Variants in ZNRF3 observed in about 807,000 individuals in gnomAD.
ZNRF3 encodes the protein E3 ubiquitin-protein ligase ZNRF3.
In ZNRF3, 23 loss-of-function variants were observed where a neutral mutation model predicts 72.5. The ratio of observed to expected loss-of-function variants is 0.32; its 90% CI spans 0.23 to 0.45. The LOEUF is 0.45. Ranked by LOEUF, ZNRF3 falls within the 20% of genes least tolerant of loss-of-function variation. The pLI is 1.00. For missense variants in ZNRF3, 1,169 were observed against 1,272.1 expected (o/e 0.92, Z 1.23); for synonymous variants, 610 against 545.3 (o/e 1.12, Z -1.65).
chr22:29,019,723 C>T (rs1279894658), intron 2 of ZNRF3, among the ~76,000 whole-genome samples: 1 of 152,138 alleles, frequency 6.6e-6, no homozygotes, highest in Admixed American at 6.5e-5. Flanking sequence ...GCACTTTACA[C>T]CCATGAACTA....
In ZNRF3 at chr22:29,056,710, T is replaced by C. The variant is rs149141007; in HGVS notation, c.*3088T>C. ...CAGCCCTGGCTGTAGGACAGCCATA[T>C]ACAGTGAAGAGTTCTAGAACCAGCT... On this transcript the variant is annotated 3_prime_UTR_variant, in exon 9 of 9. Transcript: ENST00000544604. 5.2e-4 allele frequency: 79 copies of C among 152,328 alleles called. No homozygotes were observed. Among genetic ancestry groups the C allele is most frequent in the African/African-American group, 1.9e-3 (78 of 41,570 alleles). 9.4% of individuals were successfully genotyped at this position (152,328 alleles called of 1,614,324 possible). A position where few individuals can be genotyped will look rare whatever the true frequency, so the allele number is the denominator to read the frequency against.
intron 1 of ZNRF3, among the ~76,000 whole-genome samples, chr22:28,980,670 A>G (rs1359028806): frequency 6.6e-6 from 1 of 152,246 alleles, no homozygotes; most frequent in Non-Finnish European, 1.5e-5. Context: ...GTTATAACCC[A>G]GGACATATTT....
At chr22:28,890,829 C>T (rs1416590760) in intron 1 of ZNRF3, among the ~76,000 whole-genome samples, 1 of 151,910 alleles carries the variant, frequency 6.6e-6, no homozygotes, top group East Asian at 1.9e-4. Context: ...AAGATCATGG[C>T]TCAGTGTACT....
chr22:28,948,467 T>A (rs572580057), intron 1 of ZNRF3, among the ~76,000 whole-genome samples: 1 of 152,338 alleles, frequency 6.6e-6, no homozygotes, highest in East Asian at 1.9e-4. Context: ...AAGCCTGGCC[T>A]AAAATATCTT....
In ZNRF3 at chr22:28,949,890, T is replaced by G. The variant is rs563441258; in HGVS notation, c.301-37186T>G. 5.3e-5 allele frequency among the ~76,000 whole-genome samples: 8 copies of G among 152,328 alleles called. No individual in the cohort carries two copies. The South Asian group carries it at 1.7e-3, about 32-fold the overall frequency. Reference sequence around the variant, plus strand: ...CTAACAATCACACAAGTATTTTGTCTTGAGGCAACCACTGTGCTTTGGTAT... The same window carrying G: ...CTAACAATCACACAAGTATTTTGTCGTGAGGCAACCACTGTGCTTTGGTAT... On this transcript the variant is annotated intron_variant, in intron 1 of 8. Transcript: ENST00000544604.
chr22:28,966,410 A>T (rs1250145709), intron 1 of ZNRF3, among the ~76,000 whole-genome samples: 1 of 152,238 alleles, frequency 6.6e-6, no homozygotes, highest in Non-Finnish European at 1.5e-5. Flanking sequence ...TACTTATTAA[A>T]AAAGAAGTTA....
At chr22:28,951,762 G>A (rs1181551258) in intron 1 of ZNRF3, among the ~76,000 whole-genome samples, 2 of 152,190 alleles carry the variant, frequency 1.3e-5, no homozygotes, top group African/African-American at 2.4e-5. Context: ...GGTGACCTGT[G>A]CGCCTGCCAT....
intron 2 of ZNRF3, among the ~76,000 whole-genome samples, chr22:28,997,652 G>A (rs769825678): frequency 1.8e-4 from 27 of 152,046 alleles, no homozygotes; most frequent in Non-Finnish European, 3.2e-4. Flanking sequence ...GTTACTTTGG[G>A]CTGTTTAACC....
chr22:29,051,460 CA>C (rs1289347156), intron 8 of ZNRF3, among the ~76,000 whole-genome samples: 1 of 152,098 alleles, frequency 6.6e-6, no homozygotes, highest in Admixed American at 6.6e-5. Context: ...AAAAGTTAGC[CA>C]GGGGTGGTGG....
intron 2 of ZNRF3, among the ~76,000 whole-genome samples, chr22:28,998,419 T>C (rs1271976001): frequency 6.6e-6 from 1 of 151,758 alleles, no homozygotes; most frequent in African/African-American, 2.4e-5. Context: ...GCAAGATGGG[T>C]TTCTTGTTGA....
At position 29,030,717 on chromosome 22, in the gene ZNRF3, G is replaced by A. The variant is rs1034987913; in HGVS notation, c.427-11778G>A. 6.6e-6 allele frequency among the ~76,000 whole-genome samples: 1 copy of A among 151,994 alleles called. No homozygotes were observed. Among genetic ancestry groups the A allele is most frequent in the Non-Finnish European group, 1.5e-5 (1 of 68,008 alleles). On this transcript the variant is annotated intron_variant, in intron 2 of 8. Transcript: ENST00000544604. This position sits in a 1 kb window ranked among gnomAD's most constrained non-coding sequence, Gnocchi z 4.2. The stretch of plus-strand genomic sequence containing the variant: ...CGCTGGATTGGGGGTTCGGGGGTGG[G>A]GGGAACATAGAGAAGCAGGGCTGGT...
chr22:28,996,141 GT>G (rs1279022222), intron 2 of ZNRF3, among the ~76,000 whole-genome samples: 8 of 152,118 alleles, frequency 5.3e-5, no homozygotes, highest in African/African-American at 1.9e-4. Context: ...GTCTTACTAT[GT>G]TGCCCAGGCT....
rs1327458922 is a variant in ZNRF3 at position 28,912,795 on chromosome 22, GC to G, written c.300+28730del. On this transcript the variant is annotated intron_variant, in intron 1 of 8. Transcript: ENST00000544604. ...TTCTCCTGCCTCAGCCTCCCAAGTA[GC>G]TGGAATTACAGGCGCCCACCACCAC... Among the ~76,000 whole-genome samples, 6 of 151,426 alleles carry G rather than the reference GC, an allele frequency of 4.0e-5. No individual in the cohort carries two copies. In the South Asian group the frequency reaches 6.3e-4, roughly 16 times the overall value.
intron 1 of ZNRF3, among the ~76,000 whole-genome samples, chr22:28,898,195 A>G (rs1224360405): frequency 3.3e-5 from 5 of 151,692 alleles, no homozygotes; most frequent in Non-Finnish European, 5.9e-5. Flanking sequence ...TGATCTATGC[A>G]CCTCGGCCTC....
intron 1 of ZNRF3, among the ~76,000 whole-genome samples, chr22:28,894,201 A>C: frequency 6.7e-6 from 1 of 150,292 alleles, no homozygotes. Context: ...CAAGTGATCC[A>C]CCCACCTTGG....
chr22:29,033,531 C>T (rs1029664458), intron 2 of ZNRF3, among the ~76,000 whole-genome samples: 4 of 151,854 alleles, frequency 2.6e-5, no homozygotes, highest in African/African-American at 9.7e-5. Context: ...GCATGGAGAC[C>T]GTGTTGGGGA....
chr22:28,899,713 A>G (rs1319640178), intron 1 of ZNRF3, among the ~76,000 whole-genome samples: 10 of 134,708 alleles, frequency 7.4e-5, no homozygotes, highest in Non-Finnish European at 1.3e-4. Context: ...TTTTTTTAAG[A>G]CAGTCTCATT....
At position 29,030,527 on chromosome 22, in the gene ZNRF3, C is replaced by T. The variant is rs892901114; in HGVS notation, c.427-11968C>T. On this transcript the variant is annotated intron_variant, in intron 2 of 8. Transcript: ENST00000544604. The surrounding 1 kb of genome is among the most constrained non-coding windows in gnomAD (Gnocchi z 4.2). ...GGACTTAAAATGCATCATCTTCGTT[C>T]CGGAACTCAGAACCTGCAGCCGACG... Among the ~76,000 whole-genome samples, 6 of 152,330 alleles carry T rather than the reference C, an allele frequency of 3.9e-5. No individual in the cohort carries two copies. The highest frequency in any genetic ancestry group is 3.4e-3 in the Middle Eastern group (1 of 294).
chr22:28,942,239 G>A (rs966321448), intron 1 of ZNRF3, among the ~76,000 whole-genome samples: 4 of 152,228 alleles, frequency 2.6e-5, no homozygotes, highest in African/African-American at 9.6e-5. Context: ...GATGTGACGC[G>A]ATGCCGATGC....
Sources: allele counts gnomAD v4.1 joint callset (sites outside exome capture counted in the v4.1 genomes callset), GRCh38; gene constraint gnomAD v4.1.1; non-coding constraint Gnocchi (gnomAD v3.1); transcripts MANE v1.5; gene names NCBI Gene and HGNC (gene_info 2026-07-23, HGNC 2026-07-21).